ARHGEF3: variants seen among roughly 807,000 people sequenced by gnomAD.
ARHGEF3 encodes Rho guanine nucleotide exchange factor 3.
ARHGEF3 carries 28 observed loss-of-function variants against 63.2 expected under a neutral mutation model. That is an observed-to-expected ratio of 0.44 (90% confidence interval 0.33 to 0.61). ARHGEF3 has a LOEUF of 0.61. Among genes scored for constraint, ARHGEF3 ranks in the 20% least tolerant of loss-of-function variants. The pLI is 0.03. For synonymous variants in ARHGEF3, 266 were observed against 254.2 expected (o/e 1.05, Z -0.44); for missense variants, 533 against 659.3 (o/e 0.81, Z 2.10).
intron 2 of ARHGEF3, among the ~76,000 whole-genome samples, chr3:57,028,075 C>A (rs1703549761): frequency 6.6e-6 from 1 of 150,616 alleles, no homozygotes; most frequent in Non-Finnish European, 1.5e-5. Flanking sequence ...GAAATAGGAA[C>A]ACTTTTACAC....
In ARHGEF3 at chr3:56,956,217, G is replaced by GT. The variant is rs57803439; in HGVS notation, c.129+2605dup. ...GCAATTAGCCAGGGGCAGGGTTGGT[G>GT]TTTTTTTTTTTTTTGTTTGTTTGTT... On this transcript the variant is annotated intron_variant, in intron 3 of 12. Transcript: ENST00000338458. Among the ~76,000 whole-genome samples, 1,419 of 149,860 alleles carry GT rather than the reference G, an allele frequency of 9.5e-3. 17 individuals carry two copies. The highest frequency in any genetic ancestry group is 0.032 in the African/African-American group (1,293 of 40,300).
At chr3:56,807,059 G>A (rs13321277) in intron 4 of ARHGEF3, among the ~76,000 whole-genome samples, 110,210 of 151,650 alleles carry the variant, frequency 0.73, 40,373 homozygotes, top group East Asian at 0.85. Flanking sequence ...AATTTTTTGT[G>A]TTTTTAGTAG....
At chr3:56,794,553 A>G (rs57714683) in intron 1 of ARHGEF3, among the ~76,000 whole-genome samples, 151 of 151,956 alleles carry the variant, frequency 9.9e-4, no homozygotes, top group African/African-American at 3.6e-3. Context: ...CAATGTTACA[A>G]CTAAGAAAGG....
At chr3:56,909,283 G>A (rs1302073151) in intron 3 of ARHGEF3, among the ~76,000 whole-genome samples, 3 of 152,220 alleles carry the variant, frequency 2.0e-5, no homozygotes, top group Admixed American at 1.3e-4. Flanking sequence ...GTGAAACTAT[G>A]AGAGGCCAAG....
In ARHGEF3 at chr3:56,745,324, C is replaced by G. The variant is rs2034308933; in HGVS notation, c.751G>C (p.Asp251His). 1.9e-6 allele frequency: 3 copies of G among 1,613,880 alleles called. No individual in the cohort carries two copies. Among genetic ancestry groups the G allele is most frequent in the Non-Finnish European group, 2.5e-6 (3 of 1,180,032 alleles). ...CLESPFSRKL[D>H]LWNFLDIPRS... ...GGAATATCGAGGAAATTCCAGAGAT[C>G]TAGTTTGCGGCTAAAGGGGGATTCT... is the stretch of plus-strand genomic sequence containing the variant. The change falls in exon 7 of 10, where the codon GAT becomes CAT. Residue 251 changes from aspartate to histidine, a missense_variant. Physicochemically the swap from Asp to His is moderately conservative, Grantham distance 81 (BLOSUM62 -1). Coordinates refer to ENST00000296315, the MANE Select transcript of ARHGEF3 (RefSeq NM_019555.3).
chr3:56,935,301 G>C (rs367980179), intron 3 of ARHGEF3, among the ~76,000 whole-genome samples: 41 of 152,288 alleles, frequency 2.7e-4, no homozygotes, highest in Middle Eastern at 3.4e-3. Context: ...CTAGCTCAGG[G>C]ATTGTAAACG....
chr3:56,944,117 G>A (rs913049124), intron 3 of ARHGEF3, among the ~76,000 whole-genome samples: 1 of 152,264 alleles, frequency 6.6e-6, no homozygotes, highest in Middle Eastern at 3.4e-3. Flanking sequence ...AGGTTGCAGG[G>A]AGCCGAAATC....
intron 4 of ARHGEF3, among the ~76,000 whole-genome samples, chr3:56,829,818 G>C (rs770176874): frequency 8.5e-5 from 13 of 152,308 alleles, no homozygotes; most frequent in Middle Eastern, 3.4e-3. Context: ...CAGTCAATGG[G>C]TTACATAAGC....
rs1699776262 is a variant in ARHGEF3, at chr3:56,950,985, T to C, written c.129+7838A>G. ...TGAGTTCATGTCCTTTGTAGGGACATGGATGAAGCTGGAAACCATCATTCT... is the reference window on the plus strand; with the variant it reads ...TGAGTTCATGTCCTTTGTAGGGACACGGATGAAGCTGGAAACCATCATTCT... On this transcript the variant is annotated intron_variant, in intron 3 of 12. Coordinates refer to the ARHGEF3 transcript ENST00000338458. Among the ~76,000 whole-genome samples, 4 of 151,882 alleles carry C rather than the reference T, an allele frequency of 2.6e-5. No homozygotes were observed. In the South Asian group the frequency reaches 8.3e-4, roughly 31 times the overall value.
intron 3 of ARHGEF3, among the ~76,000 whole-genome samples, chr3:56,753,924 G>T (rs1434347647): frequency 6.6e-6 from 1 of 152,202 alleles, no homozygotes; most frequent in Non-Finnish European, 1.5e-5. Context: ...ATCATAAGAA[G>T]TGATTCAGAG....
At chr3:57,070,217 G>C (rs1401324428) in intron 1 of ARHGEF3, among the ~76,000 whole-genome samples, 1 of 152,190 alleles carries the variant, frequency 6.6e-6, no homozygotes, top group Non-Finnish European at 1.5e-5. Flanking sequence ...GGTTATGGGA[G>C]TATCTTAGAG....
At chr3:57,070,835 G>C (rs1364503214) in intron 1 of ARHGEF3, among the ~76,000 whole-genome samples, 2 of 151,796 alleles carry the variant, frequency 1.3e-5, no homozygotes, top group Admixed American at 6.6e-5. Flanking sequence ...AGCTGGGTAT[G>C]GTTGCACACA....
chr3:57,023,189 T>A (rs879548991), intron 2 of ARHGEF3, among the ~76,000 whole-genome samples: 1 of 152,148 alleles, frequency 6.6e-6, no homozygotes, highest in African/African-American at 2.4e-5. Flanking sequence ...AGTATCCCTA[T>A]CCCAAACACA....
intron 2 of ARHGEF3, among the ~76,000 whole-genome samples, chr3:57,027,367 A>G (rs531853916): frequency 6.6e-6 from 1 of 152,166 alleles, no homozygotes; most frequent in Non-Finnish European, 1.5e-5. Flanking sequence ...TTGGCTCCCA[A>G]TGCCCACCCT....
chr3:56,831,979 G>C (rs892970392), intron 4 of ARHGEF3, among the ~76,000 whole-genome samples: 4 of 152,210 alleles, frequency 2.6e-5, no homozygotes, highest in Non-Finnish European at 4.4e-5. Flanking sequence ...CCGTGGACTT[G>C]AGAACTTTGA....
At chr3:56,872,044 C>T (rs1263153935) in intron 4 of ARHGEF3, among the ~76,000 whole-genome samples, 2 of 124,488 alleles carry the variant, frequency 1.6e-5, no homozygotes, top group East Asian at 4.0e-4. Context: ...AGACTTGTTG[C>T]CAGATGTTAC....
chr3:56,749,873 T>C (rs116691048), intron 6 of ARHGEF3, among the ~76,000 whole-genome samples: 129 of 148,794 alleles, frequency 8.7e-4, no homozygotes, highest in Middle Eastern at 3.4e-3. Context: ...AAGGCAGTCA[T>C]TGAGAAACGT....
intron 2 of ARHGEF3, among the ~76,000 whole-genome samples, chr3:56,756,277 T>C (rs978410343): frequency 6.6e-6 from 1 of 152,176 alleles, no homozygotes; most frequent in African/African-American, 2.4e-5. Context: ...AAAACCACAT[T>C]GTTATTTAGG....
rs369737534 is a variant in ARHGEF3, at chr3:57,047,595, G to A, written c.-27-12419C>T. On this transcript the variant is annotated intron_variant, in intron 1 of 12. Coordinates refer to the ARHGEF3 transcript ENST00000338458. ...CAGTGTAAGCAAAGAGCCCAGCACA[G>A]TGCCATGCAAAGGTCAGTGTCCTTT... Among the ~76,000 whole-genome samples the A allele has an allele frequency of 2.0e-5, 3 of 152,160 alleles. No homozygotes were observed. The South Asian group carries it at 6.2e-4, about 31-fold the overall frequency.
Sources: allele counts gnomAD v4.1 joint callset (sites outside exome capture counted in the v4.1 genomes callset), GRCh38; gene constraint gnomAD v4.1.1; transcripts MANE v1.5; gene names NCBI Gene and HGNC (gene_info 2026-07-23, HGNC 2026-07-21).